The following AUTS2 variants were observed in gnomAD, a reference collection of about 807,000 sequenced individuals.
AUTS2 encodes autism susceptibility gene 2 protein.
A neutral mutation model predicts 112.4 loss-of-function variants in AUTS2; 17 were observed. The ratio of observed to expected loss-of-function variants is 0.15; its 90% CI spans 0.10 to 0.23. The LOEUF is 0.23. AUTS2 is among the 10% of genes least tolerant of loss of function. The pLI, the probability that AUTS2 is intolerant of heterozygous loss-of-function variation, is 1.00. For synonymous variants in AUTS2, 751 were observed against 702.7 expected (o/e 1.07, Z -1.09); for missense variants, 1,510 against 1,701.6 (o/e 0.89, Z 1.98).
At chr7:70,596,345 C>T (rs925188505) in intron 5 of AUTS2, 14 of 152,322 alleles carry the variant, frequency 9.2e-5, no homozygotes, top group Non-Finnish European at 1.3e-4. Flanking sequence ...GACGGCGTGC[C>T]GGCAAGTTTC....
rs117571952 is a variant in AUTS2, at chr7:70,408,808, G to A, written c.661-26944G>A. ...ACCTTGCTGTGGGCTTCCTTTGCAC[G>A]CTGCACTGGTTACATCAGACATGCT... On this transcript the variant is annotated intron_variant, in intron 4 of 18. Transcript: ENST00000342771. Among the ~76,000 whole-genome samples the A allele has an allele frequency of 6.3e-4, 96 of 152,278 alleles. 2 individuals are homozygous for A. In the East Asian group the frequency reaches 0.016, roughly 26 times the overall value.
intron 1 of AUTS2, among the ~76,000 whole-genome samples, chr7:69,615,161 C>A (rs1226665699): frequency 2.6e-5 from 4 of 152,000 alleles, no homozygotes; most frequent in African/African-American, 9.7e-5. Context: ...CCTTCCTTGC[C>A]CCTCTGGTGG....
At chr7:70,398,208 A>G (rs1255240075) in intron 4 of AUTS2, among the ~76,000 whole-genome samples, 1 of 152,200 alleles carries the variant, frequency 6.6e-6, no homozygotes, top group Non-Finnish European at 1.5e-5. Context: ...GCTTTATGAT[A>G]TGCTTGAAAT....
At chr7:69,650,870 C>CT (rs1795256503) in intron 1 of AUTS2, among the ~76,000 whole-genome samples, 1 of 152,200 alleles carries the variant, frequency 6.6e-6, no homozygotes. Context: ...GTCACCTGGG[C>CT]TTACCTCAGT....
chr7:70,491,589 T>TTTTG lies in AUTS2; in HGVS notation c.690+55809_690+55810insTTGT, dbSNP rs1554411449. ...TATGTGTATATATAATGTATATATA[T>TTTTG]TGTGTGTGTGTGTGTGTGTGTGTGT... On this transcript the variant is annotated intron_variant, in intron 5 of 18. Coordinates refer to ENST00000342771, the MANE Select transcript of AUTS2 (RefSeq NM_015570.4). 3.4e-3 allele frequency among the ~76,000 whole-genome samples: 473 copies of TTTTG among 138,802 alleles called. 5 individuals carry two copies. The highest frequency in any genetic ancestry group is 0.012 in the African/African-American group (453 of 37,070). 91.1% of individuals were successfully genotyped at this position (138,802 alleles called of 152,430 possible).
At chr7:70,314,138 G>A (rs549319350) in intron 4 of AUTS2, among the ~76,000 whole-genome samples, 1 of 152,188 alleles carries the variant, frequency 6.6e-6, no homozygotes, top group Admixed American at 6.5e-5. Flanking sequence ...AGGACACAGT[G>A]AGATTTCCTT....
intron 4 of AUTS2, among the ~76,000 whole-genome samples, chr7:70,420,931 T>G (rs1033630796): frequency 1.5e-4 from 23 of 152,120 alleles, no homozygotes. Flanking sequence ...CAGTTATATC[T>G]CAATAAAGCC....
chr7:70,504,407 C>G (rs1370406163), intron 5 of AUTS2, among the ~76,000 whole-genome samples: 4 of 150,860 alleles, frequency 2.7e-5, no homozygotes, highest in African/African-American at 9.7e-5. Flanking sequence ...CTGTCCTGCG[C>G]TGTCAGTGAA....
At chr7:69,609,502 T>G (rs1392558809) in intron 1 of AUTS2, among the ~76,000 whole-genome samples, 1 of 152,218 alleles carries the variant, frequency 6.6e-6, no homozygotes, top group African/African-American at 2.4e-5. Context: ...TAGGGTGGTT[T>G]CTCATCATTG....
At chr7:69,978,996 AGCTTAGCCTT>A (rs1798184275) in intron 2 of AUTS2, among the ~76,000 whole-genome samples, 2 of 152,040 alleles carry the variant, frequency 1.3e-5, no homozygotes, top group African/African-American at 4.8e-5. Flanking sequence ...TATGTACTCT[AGCTTAGCCTT>A]TAACTTCAGA....
intron 2 of AUTS2, among the ~76,000 whole-genome samples, chr7:70,083,002 A>C (rs150908421): frequency 1.3e-5 from 2 of 152,106 alleles, no homozygotes; most frequent in Non-Finnish European, 2.9e-5. Context: ...GGAGCTTTCA[A>C]TTTTCTGACC....
chr7:70,329,856 G>C (rs1238352092), intron 4 of AUTS2, among the ~76,000 whole-genome samples: 1 of 151,980 alleles, frequency 6.6e-6, no homozygotes, highest in Non-Finnish European at 1.5e-5. Context: ...TACAGTTATG[G>C]AGGCTGGGAA....
intron 4 of AUTS2, among the ~76,000 whole-genome samples, chr7:70,225,030 G>A (rs1370413912): frequency 6.6e-6 from 1 of 152,050 alleles, no homozygotes; most frequent in Non-Finnish European, 1.5e-5. Flanking sequence ...CCATCGTTAA[G>A]CAACACATGA....
At chr7:69,756,379 A>G (rs935989823) in intron 1 of AUTS2, among the ~76,000 whole-genome samples, 3 of 152,224 alleles carry the variant, frequency 2.0e-5, no homozygotes, top group Admixed American at 1.3e-4. Context: ...AGCAAGCAAA[A>G]TATTGGCATT....
At chr7:70,261,632 A>G (rs980617269) in intron 4 of AUTS2, among the ~76,000 whole-genome samples, 10 of 152,218 alleles carry the variant, frequency 6.6e-5, no homozygotes, top group Non-Finnish European at 1.0e-4. Context: ...ACATATTGAA[A>G]TCAGATTTAA....
At chr7:69,868,967 C>T (rs562071205) in intron 1 of AUTS2, among the ~76,000 whole-genome samples, 1 of 152,162 alleles carries the variant, frequency 6.6e-6, no homozygotes, top group Non-Finnish European at 1.5e-5. Flanking sequence ...TGGTTCAGTG[C>T]ATACCTATAA....
Position 69,599,782 on chromosome 7 carries a change from C to G in AUTS2, c.129C>G (p.Thr43=). 1 of 1,538,802 alleles carries G rather than the reference C, an allele frequency of 6.5e-7. No individual in the cohort carries two copies. Among genetic ancestry groups the G allele is most frequent in the Non-Finnish European group, 8.7e-7 (1 of 1,144,750 alleles). Residue 43 remains threonine (T), a synonymous_variant, in exon 1 of 19, where the codon ACC becomes ACG. Transcript: ENST00000342771. This position sits in a 1 kb window ranked among gnomAD's most constrained non-coding sequence, Gnocchi z 7.0. ...CCGGCGGCGGCGGGGCTGGCCGGAC[C>G]CGGGCGCTCTCACTCGCCTCGTCGT... ...GAAGGGGAGR[T]RALSLASSSG... is the part of the protein sequence containing the mutation.
chr7:70,316,746 G>A (rs902667432), intron 4 of AUTS2, among the ~76,000 whole-genome samples: 9 of 152,088 alleles, frequency 5.9e-5, no homozygotes, highest in Non-Finnish European at 1.2e-4. Flanking sequence ...GGAGACAATC[G>A]TTGGTGAATT....
chr7:69,842,855 C>T (rs916942083), intron 1 of AUTS2, among the ~76,000 whole-genome samples: 10 of 152,128 alleles, frequency 6.6e-5, no homozygotes. Flanking sequence ...CAGCAGATCC[C>T]TAATGGCTGG....
Sources: allele counts gnomAD v4.1 joint callset (sites outside exome capture counted in the v4.1 genomes callset), GRCh38; gene constraint gnomAD v4.1.1; non-coding constraint Gnocchi (gnomAD v3.1); transcripts MANE v1.5; gene names NCBI Gene and HGNC (gene_info 2026-07-23, HGNC 2026-07-21).